SMCHD1: variants seen among roughly 807,000 people sequenced by gnomAD.
SMCHD1 encodes structural maintenance of chromosomes flexible hinge domain containing 1, also known as structural maintenance of chromosomes flexible hinge domain-containing protein 1.
In SMCHD1, 78 loss-of-function variants were observed where a neutral mutation model predicts 254.7. The observed-to-expected ratio is 0.31, with a 90% CI of 0.26 to 0.37. The LOEUF is 0.37. Ranked by LOEUF, SMCHD1 falls within the 10% of genes least tolerant of loss-of-function variation. The pLI, the probability that SMCHD1 is intolerant of heterozygous loss-of-function variation, is 1.00. For synonymous variants in SMCHD1, 766 were observed against 794.9 expected, an observed-to-expected ratio of 0.96 and a Z score of 0.61; for missense variants, 1,840 against 2,408.1, an observed-to-expected ratio of 0.76 and a Z score of 4.94.
chr18:2,739,809 G>A (rs1031994115), intron 27 of SMCHD1, among the ~76,000 whole-genome samples: 2 of 152,120 alleles, frequency 1.3e-5, no homozygotes, highest in African/African-American at 4.8e-5. Context: ...AAGTAAGCTT[G>A]GCATGGTACA....
At chr18:2,721,482 T>C (rs1456348339) in intron 19 of SMCHD1, among the ~76,000 whole-genome samples, 1 of 152,190 alleles carries the variant, frequency 6.6e-6, no homozygotes, top group Non-Finnish European at 1.5e-5. Context: ...TGCTGTAGTT[T>C]AAGCAGTTTC....
intron 29 of SMCHD1, among the ~76,000 whole-genome samples, chr18:2,745,645 C>G (rs2075440086): frequency 6.6e-6 from 1 of 151,984 alleles, no homozygotes; most frequent in African/African-American, 2.4e-5. Flanking sequence ...TGACTGTTAC[C>G]TGGAACAGTT....
chr18:2,743,888 C>T lies in SMCHD1; in HGVS notation c.3761C>T (p.Pro1254Leu), dbSNP rs1192135120. Residue 1254 changes from proline to leucine, a missense_variant, in exon 29 of 48, where the codon CCT (proline) becomes CTT (leucine). Transcript: ENST00000320876. ...CGAGTGCAACTAATTTCTGGACCTC[C>T]TGCTAAACTTCTCCTTATAGACTGG... ...FIRVQLISGP[P>L]AKLLLIDWPE... 1 of 1,613,090 alleles carries T rather than the reference C, an allele frequency of 6.2e-7. No individual in the cohort carries two copies. Among genetic ancestry groups the T allele is most frequent in the African/African-American group, 1.3e-5 (1 of 75,020 alleles).
At position 2,707,564 on chromosome 18, in the gene SMCHD1, C is replaced by T. The variant is rs1395507746; in HGVS notation, c.2065C>T (p.Leu689Phe). Residue 689 changes from leucine (L) to phenylalanine (F), a missense_variant and splice_region_variant, in exon 16 of 48, where the codon CTC becomes TTC. By Grantham distance (22) the Leu-to-Phe change is conservative. Transcript: ENST00000320876. ...ATTAATATGCTGGTTTCATAACAGG[C>T]TCCCTGATAGATTGTCAGTAACTTG... ...KKYVEDEMAR[L>F]PDRLSVTWPE... 3 of 1,593,528 alleles carry T rather than the reference C, an allele frequency of 1.9e-6. No individual in the cohort carries two copies. Among genetic ancestry groups the T allele is most frequent in the Non-Finnish European group, 2.6e-6 (3 of 1,168,358 alleles).
At position 2,784,584 on chromosome 18, in the gene SMCHD1, A is replaced by G. The variant is rs1189201597; in HGVS notation, c.5682A>G (p.Pro1894=). 1 of 1,608,248 alleles carries G rather than the reference A, an allele frequency of 6.2e-7. No individual in the cohort carries two copies. Among genetic ancestry groups the G allele is most frequent in the Non-Finnish European group, 8.5e-7 (1 of 1,177,910 alleles). ...TTCGGGGAATGGTATTTGGAGCTCC[A>G]GTTCCAAAACAGTGTCTGATCTTAG... ...DKLRGMVFGA[P]VPKQCLILGE... The change falls in exon 45 of 48, where the codon CCA becomes CCG. Residue 1894 remains proline (P), a synonymous_variant. Coordinates refer to ENST00000320876, the MANE Select transcript of SMCHD1 (RefSeq NM_015295.3).
intron 24 of SMCHD1, among the ~76,000 whole-genome samples, chr18:2,731,951 C>T (rs1266168303): frequency 6.6e-6 from 1 of 152,104 alleles, no homozygotes; most frequent in East Asian, 1.9e-4. Context: ...GCAGAGGTTG[C>T]AGTGAGCCAA....
intron 1 of SMCHD1, among the ~76,000 whole-genome samples, chr18:2,665,620 G>C (rs570329528): frequency 6.6e-6 from 1 of 152,238 alleles, no homozygotes; most frequent in Non-Finnish European, 1.5e-5. Flanking sequence ...TGCCTGGCCA[G>C]TTTCCCTCTA....
chr18:2,668,341 A>G (rs1423557850), intron 3 of SMCHD1, among the ~76,000 whole-genome samples: 2 of 152,220 alleles, frequency 1.3e-5, no homozygotes, highest in Non-Finnish European at 2.9e-5. Context: ...TGTACCAAGT[A>G]CTTATGAGCG....
chr18:2,767,811 G>A (rs559917906), intron 37 of SMCHD1, among the ~76,000 whole-genome samples: 12 of 151,612 alleles, frequency 7.9e-5, no homozygotes, highest in South Asian at 2.1e-4. Context: ...GGTTTGTCTC[G>A]AACTCTGACC....
chr18:2,772,138 C>T, intron 40 of SMCHD1, 112 bp from the exon 41 acceptor site: 2 of 883,640 alleles, frequency 2.3e-6, no homozygotes, highest in South Asian at 4.2e-5. Flanking sequence ...GCCTACTTAC[C>T]AACTTTATAT....
rs1019401848 is a variant in SMCHD1 at position 2,717,356 on chromosome 18, T to C, written c.2261-802T>C. ...TCAAAGTATCCAAAGTTTCTTTTGC[T>C]TTTTTTTTGAGACAAGGTCTTACTC... is the stretch of plus-strand genomic sequence containing the variant. On this transcript the variant is annotated intron_variant, in intron 17 of 47. Coordinates refer to ENST00000320876, the MANE Select transcript of SMCHD1 (RefSeq NM_015295.3). Among the ~76,000 whole-genome samples the C allele has an allele frequency of 5.9e-5, 9 of 151,396 alleles. No homozygotes were observed. The East Asian group carries it at 1.4e-3, about 23-fold the overall frequency.
At chr18:2,802,477 G>A in intron 47 of SMCHD1, 51 bp from the exon 48 acceptor site, 1 of 1,463,860 alleles carries the variant, frequency 6.8e-7, no homozygotes, top group African/African-American at 1.4e-5. Context: ...GGAATTCAGG[G>A]AAAGGAAACC....
At chr18:2,697,624 T>C (rs1230499263) in intron 9 of SMCHD1, among the ~76,000 whole-genome samples, 1 of 152,230 alleles carries the variant, frequency 6.6e-6, no homozygotes, top group African/African-American at 2.4e-5. Context: ...GTTTCTTTGC[T>C]TACTTTATAT....
At chr18:2,674,271 GT>G in intron 5 of SMCHD1, 126 bp downstream of exon 5, 1 of 744,578 alleles carries the variant, frequency 1.3e-6, no homozygotes, top group Non-Finnish European at 2.0e-6. Context: ...ATTTATTTAG[GT>G]TTTATATTAT....
intron 1 of SMCHD1, among the ~76,000 whole-genome samples, chr18:2,658,454 C>G (rs2143748242): frequency 6.6e-6 from 1 of 152,304 alleles, no homozygotes; most frequent in East Asian, 1.9e-4. Flanking sequence ...CTGTAGGGAA[C>G]AGATGTATTT....
chr18:2,769,079 GA>G (rs1259747247), intron 37 of SMCHD1, among the ~76,000 whole-genome samples: 1 of 152,030 alleles, frequency 6.6e-6, no homozygotes, highest in Non-Finnish European at 1.5e-5. Context: ...AGAACTGTGT[GA>G]AAAAATCATT....
At chr18:2,712,253 G>A (rs1221179816) in intron 17 of SMCHD1, among the ~76,000 whole-genome samples, 1 of 134,354 alleles carries the variant, frequency 7.4e-6, no homozygotes, top group African/African-American at 2.8e-5. Context: ...TTTGATGTCT[G>A]TGTCTGACTT....
At chr18:2,727,342 T>C (rs565575398) in intron 22 of SMCHD1, among the ~76,000 whole-genome samples, 1 of 152,238 alleles carries the variant, frequency 6.6e-6, no homozygotes, top group East Asian at 1.9e-4. Context: ...AAGAAACATA[T>C]TAGCTATTTG....
rs144803055 is a variant in SMCHD1, at chr18:2,740,258, T to A, written c.3515-445T>A. 5.8e-3 allele frequency among the ~76,000 whole-genome samples: 879 copies of A among 152,310 alleles called. 10 individuals are homozygous for A. Among genetic ancestry groups the A allele is most frequent in the African/African-American group, 0.02 (842 of 41,566 alleles). On this transcript the variant is annotated intron_variant, in intron 27 of 47. Transcript: ENST00000320876. ...TTCATCCATGTCCCTGCAAAGGACA[T>A]GAACTCATCATTTTTTATGGCTGCA...
Sources: gnomAD v4.1 joint callset for allele counts (sites outside exome capture counted in the v4.1 genomes callset) on GRCh38, gnomAD v4.1.1 for gene constraint, MANE v1.5 for transcripts, NCBI Gene and HGNC (gene_info 2026-07-23, HGNC 2026-07-21) for gene names.